Variants in TBC1D22B observed in about 807,000 individuals in gnomAD.
TBC1D22B encodes the protein chromosome 6 open reading frame 197.
TBC1D22B carries 32 observed loss-of-function variants against 69.1 expected under a neutral mutation model. That is an observed-to-expected ratio of 0.46 (90% CI 0.35 to 0.62). The LOEUF is 0.62. Ranked by LOEUF, TBC1D22B falls within the 20% of genes least tolerant of loss-of-function variation. The pLI is 0.00. For missense variants in TBC1D22B, 462 were observed against 630.9 expected (o/e 0.73, Z 2.87); for synonymous variants, 206 against 229.8 (o/e 0.90, Z 0.94).
At chr6:37,292,138 T>C (rs1767205081) in intron 8 of TBC1D22B, among the ~76,000 whole-genome samples, 1 of 152,232 alleles carries the variant, frequency 6.6e-6, no homozygotes, top group Non-Finnish European at 1.5e-5. Flanking sequence ...AAGCCATTCA[T>C]GTAATCCCTC....
At chr6:37,282,751 C>T (rs1015562506) in intron 4 of TBC1D22B, 131 bp from the exon 5 acceptor site, 22 of 892,336 alleles carry the variant, frequency 2.5e-5, no homozygotes, top group Admixed American at 2.0e-4. Flanking sequence ...GGGCTTTTCA[C>T]TGTGCTTATG....
At chr6:37,317,680 G>T (rs1397836674) in intron 12 of TBC1D22B, among the ~76,000 whole-genome samples, 5 of 152,150 alleles carry the variant, frequency 3.3e-5, no homozygotes, top group Admixed American at 2.6e-4. Context: ...GTAGAGCAGG[G>T]TAAAGGTTTT....
At chr6:37,280,894 T>C (rs1017888157) in intron 3 of TBC1D22B, among the ~76,000 whole-genome samples, 11 of 151,912 alleles carry the variant, frequency 7.2e-5, no homozygotes, top group Admixed American at 5.2e-4. Context: ...CATCTGTCTG[T>C]AAATAGGTAA....
intron 1 of TBC1D22B, among the ~76,000 whole-genome samples, chr6:37,268,978 A>G (rs1766394051): frequency 6.6e-6 from 1 of 152,172 alleles, no homozygotes; most frequent in South Asian, 2.1e-4. Context: ...GTTTGGGGCT[A>G]AGACGAGCCA....
intron 1 of TBC1D22B, among the ~76,000 whole-genome samples, chr6:37,265,638 G>A (rs2113973738): frequency 6.6e-6 from 1 of 151,874 alleles, no homozygotes; most frequent in East Asian, 1.9e-4. Flanking sequence ...CTCTGCCTAG[G>A]AAACCCTTTA....
chr6:37,282,985 G>T (rs1223284044), intron 5 of TBC1D22B, 33 bp downstream of exon 5: 1 of 1,585,842 alleles, frequency 6.3e-7, no homozygotes, highest in African/African-American at 1.3e-5. Flanking sequence ...AGAAATGTGA[G>T]CCTCACACAG....
chr6:37,261,541 A>G (rs536743737), intron 1 of TBC1D22B, among the ~76,000 whole-genome samples: 2 of 152,166 alleles, frequency 1.3e-5, no homozygotes, highest in Admixed American at 1.3e-4. Context: ...TAACCTCTCA[A>G]TGCATCAGTC....
chr6:37,326,713 G>GGGAGGT (rs1251633281), intron 12 of TBC1D22B, among the ~76,000 whole-genome samples: 16 of 152,240 alleles, frequency 1.1e-4, no homozygotes, highest in African/African-American at 3.6e-4. Context: ...GCTTGAACCT[G>GGGAGGT]GGAGGTGGAG....
At chr6:37,279,752 T>C in intron 3 of TBC1D22B, 141 bp downstream of exon 3, 1 of 951,538 alleles carries the variant, frequency 1.1e-6, no homozygotes, top group Non-Finnish European at 1.5e-6. Flanking sequence ...TGTGACATCA[T>C]TAAGCCTGAG....
At chr6:37,258,373 A>G (rs1315605316) in intron 1 of TBC1D22B, among the ~76,000 whole-genome samples, 3 of 152,046 alleles carry the variant, frequency 2.0e-5, no homozygotes, top group Non-Finnish European at 4.4e-5. Context: ...TCGCTCGAGG[A>G]TGGCCCCTTC....
At chr6:37,283,505 CA>C (rs1766906588) in intron 5 of TBC1D22B, among the ~76,000 whole-genome samples, 2 of 152,166 alleles carry the variant, frequency 1.3e-5, no homozygotes, top group Admixed American at 6.5e-5. Flanking sequence ...ATGCTTTGAG[CA>C]GATGCAAAAA....
intron 2 of TBC1D22B, among the ~76,000 whole-genome samples, chr6:37,274,409 G>C (rs1766598962): frequency 6.6e-6 from 1 of 152,108 alleles, no homozygotes; most frequent in South Asian, 2.1e-4. Flanking sequence ...CATATCCTTA[G>C]GTGTTTGTGT....
chr6:37,286,278 T>A (rs1236275121), intron 6 of TBC1D22B, among the ~76,000 whole-genome samples: 1 of 152,086 alleles, frequency 6.6e-6, no homozygotes, highest in East Asian at 1.9e-4. Flanking sequence ...GTCACTTCTT[T>A]CTGAAGATAA....
chr6:37,269,405 A>G (rs446344), intron 1 of TBC1D22B, among the ~76,000 whole-genome samples, 189 bp from the exon 2 acceptor site: 133,278 of 152,154 alleles, frequency 0.88, 58,415 homozygotes, highest in South Asian at 0.92. Context: ...TCACCAGGGA[A>G]AATGAACATT....
chr6:37,292,473 C>G (rs892450982), intron 8 of TBC1D22B, among the ~76,000 whole-genome samples: 1 of 152,060 alleles, frequency 6.6e-6, no homozygotes, highest in African/African-American at 2.4e-5. Flanking sequence ...TTTTACATAT[C>G]CTCCCCACCC....
chr6:37,281,920 A>C (rs1462550058), intron 3 of TBC1D22B, among the ~76,000 whole-genome samples: 2 of 152,134 alleles, frequency 1.3e-5, no homozygotes, highest in Non-Finnish European at 2.9e-5. Context: ...AAAAGTTCTC[A>C]AAAGTTGCTG....
intron 11 of TBC1D22B, 70 bp downstream of exon 11, chr6:37,316,900 G>A: frequency 6.2e-7 from 1 of 1,605,384 alleles, no homozygotes; most frequent in Non-Finnish European, 8.5e-7. Context: ...CCATGTTGTG[G>A]AATGTAGCTG....
Position 37,282,970 on chromosome 6 carries a change from T to A in TBC1D22B, c.672+18T>A, listed in dbSNP as rs1218081740. ...TCCTGTCGGTGAGTTCTACCCACTG[T>A]GTAGAGAAATGTGAGCCTCACACAG... On this transcript the variant is annotated intron_variant, in intron 5 of 12. Transcript: ENST00000373491. 6.2e-7 allele frequency: 1 copy of A among 1,610,498 alleles called. No homozygotes were observed. Among genetic ancestry groups the A allele is most frequent in the Non-Finnish European group, 8.5e-7 (1 of 1,177,010 alleles).
chr6:37,271,234 C>T (rs1232217766), intron 2 of TBC1D22B, among the ~76,000 whole-genome samples: 2 of 152,032 alleles, frequency 1.3e-5, no homozygotes, highest in African/African-American at 4.8e-5. Flanking sequence ...AATTGCTTGA[C>T]CCTGGGAGCC....
Sources: allele counts gnomAD v4.1 joint callset (sites outside exome capture counted in the v4.1 genomes callset), GRCh38; gene constraint gnomAD v4.1.1; transcripts MANE v1.5; gene names NCBI Gene and HGNC (gene_info 2026-07-23, HGNC 2026-07-21).